SPTAN1: variants seen among roughly 807,000 people sequenced by gnomAD.
SPTAN1 encodes spectrin alpha, non-erythrocytic 1.
SPTAN1 carries 61 observed loss-of-function variants against 331.3 expected under a neutral mutation model. The observed-to-expected ratio is 0.18, with a 90% confidence interval of 0.15 to 0.23. The LOEUF (loss-of-function observed/expected upper bound fraction) is 0.23, where lower values mean the gene tolerates loss of function less well. SPTAN1 is among the 10% of genes least tolerant of loss of function. The pLI, the probability that SPTAN1 is intolerant of heterozygous loss-of-function variation, is 1.00. For missense variants in SPTAN1, 2,043 were observed against 3,147.9 expected (o/e 0.65, Z 8.40); for synonymous variants, 1,153 against 1,173.9 (o/e 0.98, Z 0.36).
At chr9:128,562,766 C>T (rs1470540499) in intron 1 of SPTAN1, among the ~76,000 whole-genome samples, 1 of 151,646 alleles carries the variant, frequency 6.6e-6, no homozygotes, top group African/African-American at 2.4e-5. Flanking sequence ...AGATCGAGAC[C>T]ATCCTGGCTA....
At chr9:128,564,450 G>A (rs920044337) in intron 1 of SPTAN1, among the ~76,000 whole-genome samples, 1 of 151,800 alleles carries the variant, frequency 6.6e-6, no homozygotes, top group Non-Finnish European at 1.5e-5. Context: ...CAGTCATGGT[G>A]GTGTGCACCC....
At chr9:128,562,988 A>ATG (rs1312918748) in intron 1 of SPTAN1, among the ~76,000 whole-genome samples, 1 of 2,322 alleles carries the variant, frequency 4.3e-4, no homozygotes, top group African/African-American at 7.4e-4. Flanking sequence ...ATATACATGT[A>ATG]TGTGTATATA....
chr9:128,584,588 G>A (rs1589219705), intron 17 of SPTAN1, 63 bp downstream of exon 17: 1 of 1,613,962 alleles, frequency 6.2e-7, no homozygotes, highest in East Asian at 2.2e-5. Context: ...TAGCATAAAG[G>A]GGATGCATGT....
At chr9:128,614,006 A>G (rs533351094) in intron 40 of SPTAN1, among the ~76,000 whole-genome samples, 2 of 147,428 alleles carry the variant, frequency 1.4e-5, no homozygotes, top group African/African-American at 5.0e-5. Context: ...CTCCATCTCA[A>G]AAAAAAAAAA....
intron 1 of SPTAN1, among the ~76,000 whole-genome samples, chr9:128,564,217 G>A (rs1038494797): frequency 6.6e-6 from 1 of 152,062 alleles, no homozygotes; most frequent in Non-Finnish European, 1.5e-5. Flanking sequence ...TCAGGAGTTC[G>A]AGACCAGCCT....
chr9:128,570,422 C>G (rs1463981445), intron 3 of SPTAN1, among the ~76,000 whole-genome samples: 2 of 149,144 alleles, frequency 1.3e-5, no homozygotes, highest in African/African-American at 5.0e-5. Context: ...ACTGCAACCT[C>G]CACCTCCTGG....
Position 128,603,187 on chromosome 9 carries a change from G to GT in SPTAN1, c.3580-345dup, listed in dbSNP as rs891713862. On this transcript the variant is annotated intron_variant, in intron 27 of 56. Coordinates refer to ENST00000372739, the MANE Select transcript of SPTAN1 (RefSeq NM_001130438.3). ...GCTGCCAGCATTTGTTAAATTTAGG[G>GT]TTTTTTTTTTTCCGGAATGTTCTCC... Among the ~76,000 whole-genome samples the GT allele has an allele frequency of 3.0e-3, 443 of 146,276 alleles. 1 individual carries two copies. Among genetic ancestry groups the GT allele is most frequent in the East Asian group, 7.9e-3 (40 of 5,068 alleles).
Position 128,633,647 on chromosome 9 carries a change from G to T in SPTAN1, c.*313G>T. 5.1e-6 allele frequency: 7 copies of T among 1,373,388 alleles called. No individual in the cohort carries two copies. Among genetic ancestry groups the T allele is most frequent in the South Asian group, 2.6e-5 (2 of 76,734 alleles). 85.1% of individuals were successfully genotyped at this position (1,373,388 alleles called of 1,614,324 possible). ...GTTTTCATGTAAAAGACAAATAAAT[G>T]ATGACTTCCCCCAAAGCTTTGCTTT... On this transcript the variant is annotated 3_prime_UTR_variant, in exon 57 of 57. Coordinates refer to ENST00000372739, the MANE Select transcript of SPTAN1 (RefSeq NM_001130438.3).
At chr9:128,588,971 T>C (rs761936734) in intron 21 of SPTAN1, 28 bp downstream of exon 21, 1 of 1,612,784 alleles carries the variant, frequency 6.2e-7, no homozygotes, top group South Asian at 1.1e-5. Context: ...GCTGTGTGTT[T>C]GTTCCACGCT....
Position 128,582,919 on chromosome 9 carries a change from G to T in SPTAN1, c.1806+70G>T, listed in dbSNP as rs1037732434. The stretch of plus-strand genomic sequence containing the variant: ...TAAACACAGCTCTCACAAATAAATT[G>T]TAGCTAAAGGACGAAATAAGGGATT... On this transcript the variant is annotated intron_variant, in intron 14 of 56. Coordinates refer to ENST00000372739, the MANE Select transcript of SPTAN1 (RefSeq NM_001130438.3). 4 of 1,603,970 alleles carry T rather than the reference G, an allele frequency of 2.5e-6. No individual in the cohort carries two copies. In the South Asian group the frequency reaches 3.3e-5, roughly 13 times the overall value.
In SPTAN1 at chr9:128,631,979, C is replaced by A. The variant is rs1033779156; in HGVS notation, c.6763-148C>A. Reference sequence around the variant, plus strand: ...GGTTGGGATTTCTTCAGCTTCACCCCATCCCACTATTCCTATTCTAGAATG... The same window carrying A: ...GGTTGGGATTTCTTCAGCTTCACCCAATCCCACTATTCCTATTCTAGAATG... On this transcript the variant is annotated intron_variant, in intron 52 of 56. Coordinates refer to ENST00000372739, the MANE Select transcript of SPTAN1 (RefSeq NM_001130438.3). The A allele has an allele frequency of 6.7e-5, 51 of 764,668 alleles. No homozygotes were observed. The Admixed American group carries it at 9.7e-4, about 14-fold the overall frequency. The allele number at this position is 764,668 out of a possible 1,614,324, so 47.4% of individuals were successfully genotyped here.
intron 37 of SPTAN1, 62 bp downstream of exon 37, chr9:128,609,727 C>T (rs1256215332): frequency 5.3e-6 from 6 of 1,127,832 alleles, no homozygotes; most frequent in East Asian, 2.6e-5. Context: ...TGTTACTCTG[C>T]GTAGATTATT....
At chr9:128,553,539 G>T (rs1397053336) in intron 1 of SPTAN1, among the ~76,000 whole-genome samples, 1 of 152,184 alleles carries the variant, frequency 6.6e-6, no homozygotes, top group African/African-American at 2.4e-5. Flanking sequence ...CTGTCCCTGA[G>T]AATTTGATTA....
chr9:128,589,079 C>A, intron 21 of SPTAN1, 136 bp downstream of exon 21: 1 of 1,242,754 alleles, frequency 8.0e-7, no homozygotes, highest in Non-Finnish European at 1.1e-6. Context: ...CTCACCAATC[C>A]CCCACGTGAC....
At chr9:128,608,503 G>C (rs951380869) in intron 34 of SPTAN1, among the ~76,000 whole-genome samples, 1 of 152,038 alleles carries the variant, frequency 6.6e-6, no homozygotes, top group Non-Finnish European at 1.5e-5. Context: ...AAACAAATGT[G>C]TGGGTAGGTA....
chr9:128,586,822 C>CTTT (rs35875935), intron 19 of SPTAN1, among the ~76,000 whole-genome samples: 2,100 of 146,764 alleles, frequency 0.014, 20 homozygotes, highest in Middle Eastern at 0.028. Context: ...TTTTCCTTTT[C>CTTT]TTTTTTTTTT....
chr9:128,560,243 C>T (rs1849148865), intron 1 of SPTAN1, among the ~76,000 whole-genome samples: 1 of 151,966 alleles, frequency 6.6e-6, no homozygotes, highest in African/African-American at 2.4e-5. Context: ...GCCGCCACAC[C>T]TGGCTAATTT....
chr9:128,570,719 C>T (rs1023164070), intron 3 of SPTAN1, among the ~76,000 whole-genome samples: 5 of 145,862 alleles, frequency 3.4e-5, no homozygotes, highest in Admixed American at 2.1e-4. Flanking sequence ...TGGAATGGCA[C>T]GATCCCGGCT....
intron 1 of SPTAN1, among the ~76,000 whole-genome samples, chr9:128,562,116 T>C (rs1424144397): frequency 6.6e-6 from 1 of 152,096 alleles, no homozygotes; most frequent in South Asian, 2.1e-4. Context: ...ATCTGTATGA[T>C]TTGTTTTTTA....
Sources: allele counts gnomAD v4.1 joint callset (sites outside exome capture counted in the v4.1 genomes callset), GRCh38; gene constraint gnomAD v4.1.1; transcripts MANE v1.5; gene names NCBI Gene and HGNC (gene_info 2026-07-23, HGNC 2026-07-21).